SMARCAD1: variants seen among roughly 807,000 people sequenced by gnomAD.
The protein encoded by SMARCAD1 is SWI/SNF-related matrix-associated actin-dependent regulator of chromatin subfamily A containing DEAD/H box 1.
In SMARCAD1, 25 loss-of-function variants were observed where a neutral mutation model predicts 127.1. The observed-to-expected ratio is 0.20, with a 90% CI of 0.14 to 0.27. The LOEUF (loss-of-function observed/expected upper bound fraction) is 0.27. Ranked by LOEUF, SMARCAD1 falls within the 10% of genes least tolerant of loss-of-function variation. The pLI is 1.00. For synonymous variants in SMARCAD1, 400 were observed against 396.9 expected (o/e 1.01, Z -0.09); for missense variants, 807 against 1,206.0 (o/e 0.67, Z 4.90).
At chr4:94,209,801 T>C (rs1741903961) in intron 2 of SMARCAD1, among the ~76,000 whole-genome samples, 1 of 152,256 alleles carries the variant, frequency 6.6e-6, no homozygotes, top group Admixed American at 6.5e-5. Flanking sequence ...TTTTAATCCC[T>C]GTGTTCACTC....
rs374197618 is a variant in SMARCAD1, at chr4:94,262,404, T to C, written c.1282-2303T>C. Among the ~76,000 whole-genome samples, 31 of 152,310 alleles carry C rather than the reference T, an allele frequency of 2.0e-4. No individual in the cohort carries two copies. In the East Asian group the frequency reaches 2.1e-3, roughly 10 times the overall value. ...TACCTCCTGAAGATCGTGAATCTTA[T>C]CAGTTTCTCCGTGTCCAACACAGAC... On this transcript the variant is annotated intron_variant, in intron 9 of 23. Transcript: ENST00000354268.
chr4:94,281,670 T>C (rs1472575261), intron 21 of SMARCAD1, 80 bp downstream of exon 21: 1 of 944,620 alleles, frequency 1.1e-6, no homozygotes, highest in Non-Finnish European at 1.7e-6. Flanking sequence ...AACAAACAAT[T>C]GATAGTATTT....
chr4:94,262,453 CCTT>C (rs1751140872), intron 9 of SMARCAD1, among the ~76,000 whole-genome samples: 1 of 152,174 alleles, frequency 6.6e-6, no homozygotes, highest in South Asian at 2.1e-4. Context: ...CAACTCAAAG[CCTT>C]CTTAATAGTT....
chr4:94,219,337 T>G (rs1400774615), intron 2 of SMARCAD1, among the ~76,000 whole-genome samples: 2 of 152,214 alleles, frequency 1.3e-5, no homozygotes, highest in Admixed American at 1.3e-4. Flanking sequence ...GATTATCAAA[T>G]TAATTTAAAG....
intron 21 of SMARCAD1, among the ~76,000 whole-genome samples, chr4:94,282,100 G>GGTTTT (rs1754135240): frequency 1.3e-5 from 1 of 74,964 alleles, no homozygotes; most frequent in Non-Finnish European, 2.3e-5. Flanking sequence ...ACGTTTTTTT[G>GGTTTT]TTTTTTTTTT....
In SMARCAD1 at chr4:94,226,213, T is replaced by A. The variant is rs1560518767; in HGVS notation, c.285T>A (p.Ser95=). The A allele has an allele frequency of 6.2e-7, 1 of 1,613,036 alleles. No homozygotes were observed. Among genetic ancestry groups the A allele is most frequent in the East Asian group, 2.2e-5 (1 of 44,758 alleles). ...NQRGIQYIDL[S]SDSEDVVSPN... ...GAGGAATACAGTATATTGATTTGTC[T>A]TCTGATAGTGAAGATGTCGTTTCCC... The change falls in exon 3 of 24, where the codon TCT becomes TCA. Residue 95 remains serine, a synonymous_variant. Transcript: ENST00000354268.
At chr4:94,279,093 G>C in intron 19 of SMARCAD1, 43 bp downstream of exon 19, 1 of 1,611,554 alleles carries the variant, frequency 6.2e-7, no homozygotes, top group Non-Finnish European at 8.5e-7. Flanking sequence ...TTAATAAGAG[G>C]TTAAGTTGTT....
chr4:94,261,935 A>T (rs1225962096), intron 9 of SMARCAD1, among the ~76,000 whole-genome samples: 1 of 152,062 alleles, frequency 6.6e-6, no homozygotes, highest in Non-Finnish European at 1.5e-5. Flanking sequence ...GGCAGTTAAA[A>T]CTTAACACTT....
chr4:94,233,629 T>G (rs1746189008), intron 3 of SMARCAD1, among the ~76,000 whole-genome samples: 1 of 152,098 alleles, frequency 6.6e-6, no homozygotes, highest in Non-Finnish European at 1.5e-5. Context: ...AGAGTATTGG[T>G]GAAAGAAGAT....
intron 6 of SMARCAD1, chr4:94,248,470 T>C (rs538532894): frequency 2.2e-6 from 1 of 456,196 alleles, no homozygotes; most frequent in Admixed American, 2.3e-5. Flanking sequence ...ATACTGTTCT[T>C]GGAATTTCAG....
At position 94,250,661 on chromosome 4, in the gene SMARCAD1, G is replaced by A. The variant is rs141403557; in HGVS notation, c.808-91G>A. ...ATCAGATGTGAATTCTCTGTTTTCA[G>A]GTGATTAACTTATTTTTAAAAGAGC... On this transcript the variant is annotated intron_variant, in intron 7 of 23. Transcript: ENST00000354268. The A allele has an allele frequency of 3.4e-4, 262 of 768,678 alleles. 1 individual carries two copies. The East Asian group carries it at 6.4e-3, about 19-fold the overall frequency. The allele number at this position is 768,678 out of a possible 1,614,324, so 47.6% of individuals were successfully genotyped here.
chr4:94,274,786 T>G lies in SMARCAD1; in HGVS notation c.1721T>G (p.Leu574Arg). 6.2e-7 allele frequency: 1 copy of G among 1,613,892 alleles called. No individual in the cohort carries two copies. Among genetic ancestry groups the G allele is most frequent in the Non-Finnish European group, 8.5e-7 (1 of 1,179,794 alleles). The change falls in exon 13 of 24, where the codon CTC becomes CGC. Residue 574 changes from leucine to arginine, a missense_variant. Leu to Arg is a moderately radical substitution (Grantham distance 102). Around this residue, in one of 8 missense-constraint regions of SMARCAD1, gnomAD observed 148 missense variants for 313.2 expected, o/e 0.47. Transcript: ENST00000354268. Reference protein sequence around the residue: ...VNLWCPTLKVLCYYGSQEERK... With the variant: ...VNLWCPTLKVRCYYGSQEERK... ...TTATGGTGCCCTACTTTGAAGGTCC[T>G]CTGTTACTATGGTAAGAATATGTCA...
intron 5 of SMARCAD1, 130 bp from the exon 6 acceptor site, chr4:94,240,776 A>G: frequency 1.4e-6 from 1 of 707,218 alleles, no homozygotes; most frequent in Non-Finnish European, 2.6e-6. Context: ...ATGTAGAACA[A>G]CAAACACTGG....
At chr4:94,282,085 C>A (rs1754116980) in intron 21 of SMARCAD1, among the ~76,000 whole-genome samples, 1 of 109,664 alleles carries the variant, frequency 9.1e-6, no homozygotes, top group Non-Finnish European at 1.8e-5. Context: ...GAATTACATG[C>A]AAATACGTTT....
At chr4:94,257,962 T>G (rs1750372538) in intron 9 of SMARCAD1, among the ~76,000 whole-genome samples, 1 of 152,174 alleles carries the variant, frequency 6.6e-6, no homozygotes, top group African/African-American at 2.4e-5. Flanking sequence ...TCATTTTTAG[T>G]GTCTACATTG....
At chr4:94,214,512 C>T (rs143364743) in intron 2 of SMARCAD1, among the ~76,000 whole-genome samples, 260 of 151,960 alleles carry the variant, frequency 1.7e-3, no homozygotes, top group Non-Finnish European at 2.5e-3. Context: ...GAGATCTGCC[C>T]GCCTCGGCCT....
At chr4:94,238,369 C>CAA (rs1747034702) in intron 5 of SMARCAD1, among the ~76,000 whole-genome samples, 1 of 152,012 alleles carries the variant, frequency 6.6e-6, no homozygotes. Context: ...GTGCCAAACT[C>CAA]AAAGGTCGTT....
At chr4:94,248,059 C>T (rs961017278) in intron 6 of SMARCAD1, among the ~76,000 whole-genome samples, 2 of 152,066 alleles carry the variant, frequency 1.3e-5, no homozygotes, top group African/African-American at 4.8e-5. Context: ...AACACGTGTA[C>T]CCAATGTTTA....
chr4:94,290,068 C>T lies in SMARCAD1; in HGVS notation c.*534C>T. 1 of 454,464 alleles carries T rather than the reference C, an allele frequency of 2.2e-6. No individual in the cohort carries two copies. Among genetic ancestry groups the T allele is most frequent in the Non-Finnish European group, 4.4e-6 (1 of 226,760 alleles). The allele number at this position is 454,464 out of a possible 1,614,324, so 28.2% of individuals were successfully genotyped here. The stretch of plus-strand genomic sequence containing the variant: ...AGATGTTCACCAATGTCAGCAAGAA[C>T]TCAACCTGAATTTAAAGGTGGCATT... On this transcript the variant is annotated 3_prime_UTR_variant, in exon 24 of 24. Coordinates refer to ENST00000354268, the MANE Select transcript of SMARCAD1 (RefSeq NM_020159.5).
Sources: gnomAD v4.1 joint callset for allele counts (sites outside exome capture counted in the v4.1 genomes callset) on GRCh38, gnomAD v4.1.1 for gene constraint, gnomAD v4.1.1 regional missense constraint, MANE v1.5 for transcripts, NCBI Gene and HGNC (gene_info 2026-07-23, HGNC 2026-07-21) for gene names.